Variants in RBFOX1 observed in about 807,000 individuals in gnomAD.
RBFOX1 encodes RNA binding protein fox-1 homolog 1.
Under a neutral mutation model 57.7 loss-of-function variants are expected in RBFOX1, and 8 were observed. The observed-to-expected ratio is 0.14, with a 90% CI of 0.08 to 0.25. The LOEUF (loss-of-function observed/expected upper bound fraction) is 0.25. Ranked by LOEUF, RBFOX1 falls within the 10% of genes least tolerant of loss-of-function variation. RBFOX1 has a pLI of 1.00. For missense variants in RBFOX1, 611 were observed against 548.5 expected (o/e 1.11, Z -1.14); for synonymous variants, 326 against 222.4 (o/e 1.47, Z -4.15).
At chr16:6,743,638 G>C (rs1349802094) in intron 3 of RBFOX1, among the ~76,000 whole-genome samples, 1 of 151,814 alleles carries the variant, frequency 6.6e-6, no homozygotes, top group Non-Finnish European at 1.5e-5. Context: ...AGCTACGTGG[G>C]AGGCTGAGGT....
At chr16:6,656,807 C>A (rs548908674) in intron 3 of RBFOX1, among the ~76,000 whole-genome samples, 3 of 152,148 alleles carry the variant, frequency 2.0e-5, no homozygotes, top group African/African-American at 7.2e-5. Flanking sequence ...AAATAATGCC[C>A]AGTTAAAATT....
intron 2 of RBFOX1, among the ~76,000 whole-genome samples, chr16:6,510,100 CTG>C (rs2096220140): frequency 2.0e-5 from 3 of 152,132 alleles, no homozygotes; most frequent in Non-Finnish European, 2.9e-5. Context: ...AAGCTTCTGA[CTG>C]TAACTTCCTC....
intron 3 of RBFOX1, among the ~76,000 whole-genome samples, chr16:6,727,323 A>T (rs959208320): frequency 4.6e-4 from 70 of 152,136 alleles, no homozygotes; most frequent in Non-Finnish European, 1.2e-4. Context: ...AAAAAACGCA[A>T]TTGCTTTTGC....
chr16:6,091,848 C>T (rs909497255), intron 1 of RBFOX1, among the ~76,000 whole-genome samples: 1 of 152,104 alleles, frequency 6.6e-6, no homozygotes, highest in Admixed American at 6.5e-5. Context: ...CAAAACAAAA[C>T]AAAACAAATT....
intron 4 of RBFOX1, among the ~76,000 whole-genome samples, chr16:6,001,284 T>C (rs1343525815): frequency 6.6e-6 from 1 of 152,160 alleles, no homozygotes; most frequent in East Asian, 1.9e-4. Flanking sequence ...TGATTTTCTC[T>C]AGATTTTCAC....
intron 1 of RBFOX1, among the ~76,000 whole-genome samples, chr16:6,175,509 G>T (rs2096998743): frequency 6.6e-6 from 1 of 152,138 alleles, no homozygotes; most frequent in South Asian, 2.1e-4. Flanking sequence ...AGGTCGGGGG[G>T]GTGGGGGCGA....
rs948456862 is a variant in RBFOX1, at chr16:6,907,110, G to C, written c.-15-144947G>C. Among the ~76,000 whole-genome samples the C allele has an allele frequency of 9.9e-5, 15 of 152,128 alleles. 1 individual carries two copies. The highest frequency in any genetic ancestry group is 3.6e-4 in the African/African-American group (15 of 41,432). ...AGGATTCTCAACCAGAGTGATTTTT[G>C]TTCCCCAGTAGGCATTTCACAATAT... On this transcript the variant is annotated intron_variant, in intron 3 of 15. Coordinates refer to ENST00000550418, the MANE Select transcript of RBFOX1 (RefSeq NM_018723.4).
At chr16:6,205,691 G>C (rs189472710) in intron 1 of RBFOX1, among the ~76,000 whole-genome samples, 21 of 151,924 alleles carry the variant, frequency 1.4e-4, no homozygotes, top group African/African-American at 4.3e-4. Context: ...TCACTGATAG[G>C]CACTCTCTCT....
intron 4 of RBFOX1, among the ~76,000 whole-genome samples, chr16:7,440,769 C>T (rs2098759763): frequency 6.6e-6 from 1 of 152,256 alleles, no homozygotes; most frequent in Non-Finnish European, 1.5e-5. Flanking sequence ...TTGCATCTTC[C>T]TCTTCAACTT....
At chr16:7,064,077 G>A (rs1046566774) in intron 4 of RBFOX1, among the ~76,000 whole-genome samples, 1 of 151,458 alleles carries the variant, frequency 6.6e-6, no homozygotes, top group African/African-American at 2.4e-5. Flanking sequence ...GAATGTGACT[G>A]TACTTGAAGC....
At chr16:6,959,111 T>G (rs1488380238) in intron 3 of RBFOX1, among the ~76,000 whole-genome samples, 2 of 152,174 alleles carry the variant, frequency 1.3e-5, no homozygotes, top group African/African-American at 4.8e-5. Flanking sequence ...TTCTATCGGC[T>G]TTGTCTTTTC....
rs544321362 is a variant in RBFOX1, at chr16:7,245,986, A to C, written c.27+193888A>C. Among the ~76,000 whole-genome samples, 3 of 152,296 alleles carry C rather than the reference A, an allele frequency of 2.0e-5. No individual in the cohort carries two copies. The East Asian group carries it at 5.8e-4, about 29-fold the overall frequency. ...TGAAAAAAAGTATAGATTGCAGTGT[A>C]AATAGAAATTTGTTTTTCCACTTCA... On this transcript the variant is annotated intron_variant, in intron 4 of 15. Coordinates refer to ENST00000550418, the MANE Select transcript of RBFOX1 (RefSeq NM_018723.4).
At chr16:5,620,011 A>G (rs2048157046) in intron 3 of RBFOX1, among the ~76,000 whole-genome samples, 1 of 151,966 alleles carries the variant, frequency 6.6e-6, no homozygotes, top group South Asian at 2.1e-4. Context: ...GAAAGAAAGA[A>G]AAGTCTCATG....
intron 4 of RBFOX1, among the ~76,000 whole-genome samples, chr16:7,161,801 T>C (rs1601504579): frequency 6.6e-6 from 1 of 152,214 alleles, no homozygotes; most frequent in African/African-American, 2.4e-5. Context: ...GCACAAGCAC[T>C]GGATGTTTAG....
intron 3 of RBFOX1, among the ~76,000 whole-genome samples, chr16:6,765,962 T>C (rs745450188): frequency 3.3e-5 from 5 of 152,056 alleles, no homozygotes; most frequent in African/African-American, 4.8e-5. Flanking sequence ...ATGATGGACA[T>C]TGGAGACTCA....
At chr16:6,180,313 C>G (rs1483364727) in intron 1 of RBFOX1, among the ~76,000 whole-genome samples, 1 of 151,852 alleles carries the variant, frequency 6.6e-6, no homozygotes, top group Non-Finnish European at 1.5e-5. Context: ...TTGGTATAGG[C>G]TTATTCAGAT....
intron 3 of RBFOX1, among the ~76,000 whole-genome samples, chr16:5,657,526 C>T (rs2049467768): frequency 6.6e-6 from 1 of 152,092 alleles, no homozygotes; most frequent in Non-Finnish European, 1.5e-5. Flanking sequence ...CAGTGTGGCT[C>T]AGCTGTCATA....
chr16:6,580,424 C>T (rs2097520920), intron 2 of RBFOX1, among the ~76,000 whole-genome samples: 1 of 152,164 alleles, frequency 6.6e-6, no homozygotes, highest in South Asian at 2.1e-4. Flanking sequence ...CATTGAAGAG[C>T]TAGTTGATCA....
chr16:6,760,457 T>C (rs991371819), intron 3 of RBFOX1, among the ~76,000 whole-genome samples: 2 of 152,160 alleles, frequency 1.3e-5, no homozygotes, highest in Non-Finnish European at 2.9e-5. Context: ...GCATGTATTA[T>C]TAAGAAAAAA....
Sources: allele counts gnomAD v4.1 joint callset (sites outside exome capture counted in the v4.1 genomes callset), GRCh38; gene constraint gnomAD v4.1.1; transcripts MANE v1.5; gene names NCBI Gene and HGNC (gene_info 2026-07-23, HGNC 2026-07-21).